Variants in PRPSAP2 observed in about 807,000 individuals in gnomAD.
PRPSAP2 encodes phosphoribosyl pyrophosphate synthetase associated protein 2, also known as phosphoribosyl pyrophosphate synthase-associated protein 2.
A neutral mutation model predicts 40.6 loss-of-function variants in PRPSAP2; 24 were observed. That is an observed-to-expected ratio of 0.59 (90% confidence interval 0.43 to 0.83). PRPSAP2 has a LOEUF of 0.83. Ranked by LOEUF, PRPSAP2 falls within the 40% of genes least tolerant of loss-of-function variation. PRPSAP2 has a pLI of 0.00. For synonymous variants in PRPSAP2, 149 were observed against 164.7 expected, an observed-to-expected ratio of 0.90 and a Z score of 0.73; for missense variants, 292 against 465.6, an observed-to-expected ratio of 0.63 and a Z score of 3.43.
At chr17:18,873,199 T>TG in intron 5 of PRPSAP2, among the ~76,000 whole-genome samples, 1 of 149,422 alleles carries the variant, frequency 6.7e-6, no homozygotes, top group African/African-American at 2.5e-5. Context: ...CTCTTTTTTT[T>TG]TTTTTTTTTT....
chr17:18,912,480 C>T (rs1174792493), intron 9 of PRPSAP2, among the ~76,000 whole-genome samples: 1 of 152,142 alleles, frequency 6.6e-6, no homozygotes, highest in African/African-American at 2.4e-5. Flanking sequence ...ATCTTACGTG[C>T]AAAATACATT....
At chr17:18,923,579 A>G (rs1292673290) in intron 9 of PRPSAP2, among the ~76,000 whole-genome samples, 1 of 152,216 alleles carries the variant, frequency 6.6e-6, no homozygotes. Flanking sequence ...GTCATCTGCT[A>G]ATAGAGATAG....
At position 18,882,579 on chromosome 17, in the gene PRPSAP2, C is replaced by G. The variant is rs763064538; in HGVS notation, c.424C>G (p.Leu142Val). 8.9e-6 allele frequency: 14 copies of G among 1,571,938 alleles called. No homozygotes were observed. Among genetic ancestry groups the G allele is most frequent in the Non-Finnish European group, 1.2e-5 (14 of 1,142,378 alleles). The change falls in exon 7 of 12, where the codon CTT becomes GTT. Residue 142 changes from leucine to valine, a missense_variant. Leu to Val is a conservative substitution (Grantham distance 32). Around this residue, in one of 2 missense-constraint regions of PRPSAP2, gnomAD observed 241 missense variants for 425.7 expected, o/e 0.57. Transcript: ENST00000268835. Reference protein sequence around the residue: ...SMMCKAGLTHLITMDLHQKEI... With the variant: ...SMMCKAGLTHVITMDLHQKEI... ...CTTTATTTTCAAAGGTCTAACTCATCTTATTACTATGGATTTACACCAGAA... is the reference window on the plus strand; with the variant it reads ...CTTTATTTTCAAAGGTCTAACTCATGTTATTACTATGGATTTACACCAGAA...
At chr17:18,921,372 C>G (rs889771183) in intron 9 of PRPSAP2, among the ~76,000 whole-genome samples, 1 of 152,118 alleles carries the variant, frequency 6.6e-6, no homozygotes, top group African/African-American at 2.4e-5. Flanking sequence ...ATTCATTATA[C>G]TTTTTCACCG....
rs764250766 is a variant in PRPSAP2, at chr17:18,882,660, T to G, written c.505T>G (p.Leu169Val). ...TGACAATTTAAGAGCATCTCCCTTC[T>G]TATTACAGTATATTCAAGAAGAGGT... ...PVDNLRASPF[L>V]LQYIQEEIPD... Residue 169 changes from leucine to valine, a missense_variant, in exon 7 of 12, where the codon TTA (leucine) becomes GTA (valine). By Grantham distance (32) the Leu-to-Val change is conservative. Around this residue, in one of 2 missense-constraint regions of PRPSAP2, gnomAD observed 241 missense variants for 425.7 expected, o/e 0.57. Transcript: ENST00000268835. The G allele has an allele frequency of 6.3e-6, 10 of 1,591,644 alleles. No homozygotes were observed. Among genetic ancestry groups the G allele is most frequent in the Non-Finnish European group, 8.6e-6 (10 of 1,159,852 alleles).
At chr17:18,864,259 G>A (rs1476106365) in intron 1 of PRPSAP2, among the ~76,000 whole-genome samples, 1 of 151,586 alleles carries the variant, frequency 6.6e-6, no homozygotes, top group Admixed American at 6.6e-5. Context: ...ACCTGGGATC[G>A]AGGCTGGTGA....
chr17:18,928,736 T>C lies in PRPSAP2; in HGVS notation c.805-75T>C, dbSNP rs771051238. 2.7e-5 allele frequency: 41 copies of C among 1,526,650 alleles called. 1 individual carries two copies. The Admixed American group carries it at 5.3e-4, about 20-fold the overall frequency. The allele number at this position is 1,526,650 out of a possible 1,614,324, so 94.6% of individuals were successfully genotyped here. A position where few individuals can be genotyped will look rare whatever the true frequency, so the allele number is the denominator to read the frequency against. Reference sequence around the variant, plus strand: ...TTTCACGGTAAATGTAGGCAGACCCTTTTTTTTTCCTGGTTGTCTAACCTA... The same window carrying C: ...TTTCACGGTAAATGTAGGCAGACCCCTTTTTTTTCCTGGTTGTCTAACCTA... On this transcript the variant is annotated intron_variant, in intron 10 of 11. Transcript: ENST00000268835.
chr17:18,870,182 C>T (rs1170036559), intron 4 of PRPSAP2, among the ~76,000 whole-genome samples: 4 of 152,030 alleles, frequency 2.6e-5, no homozygotes, highest in Non-Finnish European at 4.4e-5. Flanking sequence ...AGTGAACTAC[C>T]GCCTAGCTTG....
At chr17:18,862,111 C>G (rs1381043045) in intron 1 of PRPSAP2, among the ~76,000 whole-genome samples, 1 of 152,176 alleles carries the variant, frequency 6.6e-6, no homozygotes, top group African/African-American at 2.4e-5. Flanking sequence ...TGGTCTTGAA[C>G]TTCTGACCTC....
At chr17:18,899,267 T>G (rs2040112325) in intron 8 of PRPSAP2, among the ~76,000 whole-genome samples, 1 of 152,026 alleles carries the variant, frequency 6.6e-6, no homozygotes. Context: ...TATATTTTTA[T>G]TTTTTAGTGG....
At chr17:18,882,712 A>C (rs1296316254) in intron 7 of PRPSAP2, 29 bp downstream of exon 7, 2 of 1,369,220 alleles carry the variant, frequency 1.5e-6, no homozygotes, top group Non-Finnish European at 2.1e-6. Flanking sequence ...TTTTATTTTA[A>C]CATTCTGATT....
chr17:18,928,847 G>A lies in PRPSAP2; in HGVS notation c.841G>A (p.Ala281Thr), dbSNP rs1256665177. Residue 281 changes from alanine (A) to threonine (T), a missense_variant, in exon 11 of 12, where the codon GCA (alanine) becomes ACA (threonine). Physicochemically the swap from Ala to Thr is moderately conservative, Grantham distance 58 (BLOSUM62 0). This residue lies in a region of PRPSAP2 where 241 missense variants were observed against 425.7 expected (regional missense o/e 0.57). Transcript: ENST00000268835. ...IIDDVDSFLA[A>T]AETLKERGAY... ...TGATGATGTTGACAGCTTTCTTGCT[G>A]CAGCAGAGACCCTGAAGGAAAGAGG... 7 of 1,614,046 alleles carry A rather than the reference G, an allele frequency of 4.3e-6. No homozygotes were observed. The highest frequency in any genetic ancestry group is 5.9e-6 in the Non-Finnish European group (7 of 1,179,958).
chr17:18,857,543 A>G (rs2036661358), upstream of PRPSAP2, among the ~76,000 whole-genome samples: 1 of 150,214 alleles, frequency 6.7e-6, no homozygotes, highest in South Asian at 2.1e-4. Context: ...CCTCCTGAGT[A>G]GCTGGGATTA....
At chr17:18,905,214 C>T (rs150306395) in intron 8 of PRPSAP2, among the ~76,000 whole-genome samples, 1,938 of 151,964 alleles carry the variant, frequency 0.013, 45 homozygotes, top group African/African-American at 0.045. Context: ...TTAGTAGAGA[C>T]GGGGTTTCAC....
At chr17:18,903,491 T>C in intron 8 of PRPSAP2, among the ~76,000 whole-genome samples, 1 of 152,152 alleles carries the variant, frequency 6.6e-6, no homozygotes, top group East Asian at 1.9e-4. Flanking sequence ...CCCAGCACTT[T>C]GGGAGGCTGA....
rs1835664160 is a variant in PRPSAP2 at position 18,858,192 on chromosome 17, C to G, written c.-198C>G. The G allele has an allele frequency of 6.6e-6, 1 of 152,318 alleles. No individual in the cohort carries two copies. Among genetic ancestry groups the G allele is most frequent in the Non-Finnish European group, 1.5e-5 (1 of 68,088 alleles). The allele number at this position is 152,318 out of a possible 1,614,324, so 9.4% of individuals were successfully genotyped here. A position where few individuals can be genotyped will look rare whatever the true frequency, so the allele number is the denominator to read the frequency against. On this transcript the variant is annotated 5_prime_UTR_variant, in exon 1 of 12. Coordinates refer to ENST00000268835, the MANE Select transcript of PRPSAP2 (RefSeq NM_002767.4). ...GCCATTTTGCTCCTAGAGAGGCCGC[C>G]AGGAGACCCGGCGCTTTCTTCCTTC...
At chr17:18,924,015 G>A in intron 10 of PRPSAP2, 31 bp downstream of exon 10, 1 of 1,561,156 alleles carries the variant, frequency 6.4e-7, no homozygotes, top group African/African-American at 1.4e-5. Context: ...ATTAATTCTA[G>A]TATTTGCCAT....
rs71355574 is a variant in PRPSAP2, at chr17:18,893,153, CTTTT to C, written c.584+3292_584+3295del. On this transcript the variant is annotated intron_variant, in intron 8 of 11. Transcript: ENST00000268835. ...TCAATGCTGATAAAGTTCAATTTAT[CTTTT>C]TTTTTTTTTTTTTTTGAGACGGAGT... Among the ~76,000 whole-genome samples the C allele has an allele frequency of 1.3e-3, 165 of 124,960 alleles. 1 individual carries two copies. The highest frequency in any genetic ancestry group is 2.4e-3 in the African/African-American group (80 of 33,234). 82.0% of individuals were successfully genotyped at this position (124,960 alleles called of 152,430 possible).
chr17:18,856,405 TA>T (rs2036594582), upstream of PRPSAP2: 1 of 152,144 alleles, frequency 6.6e-6, no homozygotes, highest in Admixed American at 6.5e-5. Context: ...CCAGCCGAGG[TA>T]CCGCTGAAGA....
Sources: allele counts gnomAD v4.1 joint callset (sites outside exome capture counted in the v4.1 genomes callset), GRCh38; gene constraint gnomAD v4.1.1; regional missense constraint gnomAD v4.1.1; transcripts MANE v1.5; gene names NCBI Gene and HGNC (gene_info 2026-07-23, HGNC 2026-07-21).